DNAJB6: variants seen among roughly 807,000 people sequenced by gnomAD.
DNAJB6 encodes dnaJ homolog subfamily B member 6.
In DNAJB6, 16 loss-of-function variants were observed where a neutral mutation model predicts 42.7. The ratio of observed to expected loss-of-function variants is 0.37; its 90% confidence interval spans 0.25 to 0.57. The LOEUF (loss-of-function observed/expected upper bound fraction) is 0.57. Among genes scored for constraint, DNAJB6 ranks in the 20% least tolerant of loss-of-function variants. DNAJB6 has a pLI of 0.74. For synonymous variants in DNAJB6, 170 were observed against 163.5 expected (o/e 1.04, Z -0.30); for missense variants, 347 against 416.8 (o/e 0.83, Z 1.46).
At chr7:157,387,405 C>A (rs748720945) in intron 8 of DNAJB6, among the ~76,000 whole-genome samples, 4 of 152,168 alleles carry the variant, frequency 2.6e-5, no homozygotes, top group Admixed American at 1.3e-4. Context: ...ATCCCACTCA[C>A]AACTAGCATT....
At chr7:157,367,534 G>A (rs1409209239) in intron 5 of DNAJB6, 51 bp downstream of exon 5, 1 of 1,094,106 alleles carries the variant, frequency 9.1e-7, no homozygotes, top group South Asian at 1.2e-5. Flanking sequence ...CCCAAATGAG[G>A]GCTTACTTAG....
intron 9 of DNAJB6, chr7:157,412,734 T>G (rs1445533346): frequency 6.6e-6 from 1 of 152,226 alleles, no homozygotes; most frequent in Non-Finnish European, 1.5e-5. Flanking sequence ...TGGCCCCCAC[T>G]TTGGCCTCCA....
At chr7:157,387,436 TTTG>T (rs1476386468) in intron 8 of DNAJB6, among the ~76,000 whole-genome samples, 2 of 152,168 alleles carry the variant, frequency 1.3e-5, no homozygotes, top group African/African-American at 4.8e-5. Flanking sequence ...AGAGCGCGCT[TTTG>T]TTTATGCCAT....
chr7:157,346,293 T>C (rs1798680235), intron 1 of DNAJB6, among the ~76,000 whole-genome samples: 1 of 133,270 alleles, frequency 7.5e-6, no homozygotes, highest in Non-Finnish European at 1.5e-5. Flanking sequence ...GCCTATGGGG[T>C]AGCCCTGCTC....
At chr7:157,387,413 A>T (rs1801123154) in intron 8 of DNAJB6, among the ~76,000 whole-genome samples, 1 of 152,132 alleles carries the variant, frequency 6.6e-6, no homozygotes, top group Non-Finnish European at 1.5e-5. Flanking sequence ...CACAACTAGC[A>T]TTGTGCGATC....
chr7:157,397,464 C>T (rs1309723884), intron 8 of DNAJB6, among the ~76,000 whole-genome samples: 1 of 152,216 alleles, frequency 6.6e-6, no homozygotes, highest in Non-Finnish European at 1.5e-5. Flanking sequence ...AGCAGGGCTT[C>T]TGGGAATCTT....
intron 1 of DNAJB6, among the ~76,000 whole-genome samples, chr7:157,339,154 T>C (rs1051154889): frequency 6.6e-6 from 1 of 152,132 alleles, no homozygotes; most frequent in Non-Finnish European, 1.5e-5. Flanking sequence ...GCTTTCATTT[T>C]TAAGCAAGCC....
Position 157,355,690 on chromosome 7 carries a change from G to C in DNAJB6, c.-26-2857G>C. On this transcript the variant is annotated intron_variant, in intron 1 of 9. Transcript: ENST00000262177. ...GAGCGGCTAAGGGTAAGCAGTGCAG[G>C]AGGAGCGCAGAGGTGAGGGCATCCA... is the stretch of plus-strand genomic sequence containing the variant. 1.3e-5 allele frequency among the ~76,000 whole-genome samples: 2 copies of C among 152,198 alleles called. 1 individual carries two copies. The highest frequency in any genetic ancestry group is 3.8e-4 in the East Asian group (2 of 5,202).
chr7:157,374,352 C>T (rs552371191), intron 5 of DNAJB6, among the ~76,000 whole-genome samples: 3 of 152,188 alleles, frequency 2.0e-5, no homozygotes, highest in East Asian at 3.9e-4. Flanking sequence ...CTGTACCTCC[C>T]GGGTTCAAGT....
At chr7:157,351,188 C>G (rs1377036597) in intron 1 of DNAJB6, among the ~76,000 whole-genome samples, 2 of 151,950 alleles carry the variant, frequency 1.3e-5, no homozygotes, top group Non-Finnish European at 2.9e-5. Flanking sequence ...CCCCCCTCAG[C>G]CTGAGCCACC....
intron 1 of DNAJB6, among the ~76,000 whole-genome samples, chr7:157,355,848 C>T (rs976395011): frequency 6.6e-6 from 1 of 152,218 alleles, no homozygotes; most frequent in Non-Finnish European, 1.5e-5. Context: ...ACGTACATGA[C>T]AGAGCAGGCT....
chr7:157,392,018 A>G (rs1801366919), intron 8 of DNAJB6, among the ~76,000 whole-genome samples: 1 of 149,122 alleles, frequency 6.7e-6, no homozygotes, highest in Admixed American at 6.8e-5. Flanking sequence ...TGGAAGGATC[A>G]CTTGAGTCAG....
chr7:157,349,899 T>A (rs1167228570), intron 1 of DNAJB6, among the ~76,000 whole-genome samples: 1 of 152,260 alleles, frequency 6.6e-6, no homozygotes, highest in East Asian at 1.9e-4. Context: ...CGCCTCAGCC[T>A]CCCAGAGTGG....
intron 8 of DNAJB6, among the ~76,000 whole-genome samples, chr7:157,396,563 C>T (rs1801593883): frequency 6.6e-6 from 1 of 152,212 alleles, no homozygotes; most frequent in Non-Finnish European, 1.5e-5. Context: ...CCCAGGAGGC[C>T]TGGCCCTGTG....
At chr7:157,393,524 T>C (rs1801445858) in intron 8 of DNAJB6, among the ~76,000 whole-genome samples, 1 of 152,130 alleles carries the variant, frequency 6.6e-6, no homozygotes, top group Admixed American at 6.6e-5. Context: ...ACTTTGGGTT[T>C]TAGATTCTGT....
intron 8 of DNAJB6, among the ~76,000 whole-genome samples, chr7:157,394,835 G>A (rs938073723): frequency 6.6e-6 from 1 of 152,220 alleles, no homozygotes; most frequent in African/African-American, 2.4e-5. Context: ...GGTGGCTTAC[G>A]CCTGTAATTC....
intron 7 of DNAJB6, 104 bp from the exon 8 acceptor site, chr7:157,385,436 CT>C: frequency 1.6e-6 from 2 of 1,212,850 alleles, no homozygotes; most frequent in Non-Finnish European, 2.3e-6. Flanking sequence ...CTGAAAATTA[CT>C]TATATTCATG....
At chr7:157,364,226 CAATCAGAAGG>C (rs1287381012) in intron 3 of DNAJB6, among the ~76,000 whole-genome samples, 2 of 151,812 alleles carry the variant, frequency 1.3e-5, no homozygotes, top group Non-Finnish European at 2.9e-5. Context: ...AAAACCAAAC[CAATCAGAAGG>C]AACCCAGTGT....
chr7:157,337,406 C>T (rs1406771435), intron 1 of DNAJB6: 1 of 152,008 alleles, frequency 6.6e-6, no homozygotes, highest in Non-Finnish European at 1.5e-5. Flanking sequence ...GCGTCCTTGC[C>T]GGAACGCGGC....
Sources: allele counts gnomAD v4.1 joint callset (sites outside exome capture counted in the v4.1 genomes callset), GRCh38; gene constraint gnomAD v4.1.1; transcripts MANE v1.5; gene names NCBI Gene and HGNC (gene_info 2026-07-23, HGNC 2026-07-21).